The following DNAH11 variants were observed in gnomAD, a reference collection of about 807,000 sequenced individuals.
The protein encoded by DNAH11 is axonemal beta dynein heavy chain 11.
Under a neutral mutation model 526.0 loss-of-function variants are expected in DNAH11, and 442 were observed. The observed-to-expected ratio is 0.84, with a 90% CI of 0.78 to 0.91. The LOEUF (loss-of-function observed/expected upper bound fraction) is 0.91. Ranked by LOEUF, DNAH11 falls within the 40% of genes least tolerant of loss-of-function variation. DNAH11 has a pLI of 0.00. For synonymous variants in DNAH11, 2,461 were observed against 1,935.9 expected (o/e 1.27, Z -7.12); for missense variants, 6,989 against 5,448.7 (o/e 1.28, Z -8.90).
At chr7:21,615,029 A>G (rs1421287782) in intron 20 of DNAH11, 85 bp from the exon 21 acceptor site, 22 of 1,365,680 alleles carry the variant, frequency 1.6e-5, no homozygotes, top group Non-Finnish European at 2.1e-5. Flanking sequence ...CAAAGATTGA[A>G]ATGTCGAGAT....
At chr7:21,736,347 A>G (rs1232512007) in intron 46 of DNAH11, among the ~76,000 whole-genome samples, 1 of 152,194 alleles carries the variant, frequency 6.6e-6, no homozygotes, top group Non-Finnish European at 1.5e-5. Flanking sequence ...GATTTGGGGC[A>G]TTCCCAGAGT....
At position 21,635,125 on chromosome 7, in the gene DNAH11, C is replaced by G. The variant is rs1403174610; in HGVS notation, c.4501-746C>G. Reference sequence around the variant, plus strand: ...GGAAAGTGGAAGCTGGAGGGCCTAGCAGGCTGGTGGGGGGCAGTTTGTTTG... The same window carrying G: ...GGAAAGTGGAAGCTGGAGGGCCTAGGAGGCTGGTGGGGGGCAGTTTGTTTG... On this transcript the variant is annotated intron_variant, in intron 25 of 81. Transcript: ENST00000409508. 2.6e-5 allele frequency among the ~76,000 whole-genome samples: 4 copies of G among 151,194 alleles called. No homozygotes were observed. In the Admixed American group the frequency reaches 2.6e-4, roughly 10 times the overall value.
chr7:21,614,045 G>A (rs1323418915), intron 20 of DNAH11, among the ~76,000 whole-genome samples: 1 of 151,762 alleles, frequency 6.6e-6, no homozygotes, highest in Non-Finnish European at 1.5e-5. Flanking sequence ...CCAAAGTGCT[G>A]GGATTACAAG....
intron 8 of DNAH11, among the ~76,000 whole-genome samples, chr7:21,575,855 A>G (rs1784072596): frequency 6.6e-6 from 1 of 152,212 alleles, no homozygotes; most frequent in African/African-American, 2.4e-5. Context: ...TTTGGCAGTC[A>G]TTCTGTGTCA....
chr7:21,704,712 TTAACTTGTACCC>T, intron 38 of DNAH11, 84 bp downstream of exon 38: 3 of 1,452,344 alleles, frequency 2.1e-6, no homozygotes, highest in Non-Finnish European at 2.8e-6. Context: ...AAGCAAGATG[TTAACTTGTACCC>T]TAACCTTAAT....
At chr7:21,771,501 CTG>C (rs1184380133) in intron 55 of DNAH11, among the ~76,000 whole-genome samples, 1 of 152,100 alleles carries the variant, frequency 6.6e-6, no homozygotes, top group East Asian at 1.9e-4. Context: ...AGTGAGCCAA[CTG>C]AGAGAGTAGA....
At chr7:21,850,879 C>G (rs1782606795) in intron 66 of DNAH11, among the ~76,000 whole-genome samples, 1 of 152,136 alleles carries the variant, frequency 6.6e-6, no homozygotes, top group Admixed American at 6.5e-5. Flanking sequence ...TTGCAAATCT[C>G]TCAGTTATAA....
At chr7:21,856,450 TGAG>T (rs928056095) in intron 68 of DNAH11, among the ~76,000 whole-genome samples, 21 of 152,174 alleles carry the variant, frequency 1.4e-4, no homozygotes, top group African/African-American at 4.8e-4. Context: ...TAACCATGTG[TGAG>T]GAGAAGAGTA....
At chr7:21,616,341 C>T in intron 22 of DNAH11, 49 bp downstream of exon 22, 1 of 1,433,442 alleles carries the variant, frequency 7.0e-7, no homozygotes, top group Non-Finnish European at 9.7e-7. Flanking sequence ...CTCAGCACCA[C>T]CTCCTTCCAT....
intron 57 of DNAH11, among the ~76,000 whole-genome samples, chr7:21,784,169 G>C (rs1788074562): frequency 6.6e-6 from 1 of 152,226 alleles, no homozygotes; most frequent in Non-Finnish European, 1.5e-5. Context: ...AATTGAGTTA[G>C]TCAAAGCTTT....
chr7:21,814,742 T>C (rs910512315), intron 63 of DNAH11, among the ~76,000 whole-genome samples: 9 of 152,140 alleles, frequency 5.9e-5, no homozygotes, highest in African/African-American at 1.9e-4. Flanking sequence ...CACTGTTGTA[T>C]ATGCAGTCCA....
At chr7:21,672,750 G>T (rs1297674795) in intron 30 of DNAH11, among the ~76,000 whole-genome samples, 1 of 152,092 alleles carries the variant, frequency 6.6e-6, no homozygotes, top group Non-Finnish European at 1.5e-5. Context: ...TAAACCTATA[G>T]TATTTAGGGA....
chr7:21,550,621 C>T (rs1203227469), intron 2 of DNAH11, among the ~76,000 whole-genome samples: 1 of 152,114 alleles, frequency 6.6e-6, no homozygotes, highest in Non-Finnish European at 1.5e-5. Flanking sequence ...TTCTACCTTT[C>T]CAGAGGAAGG....
In DNAH11 at chr7:21,543,595, A is replaced by G; in HGVS notation, c.350A>G (p.Glu117Gly). The G allele has an allele frequency of 6.3e-7, 1 of 1,588,816 alleles. No individual in the cohort carries two copies. The highest frequency in any genetic ancestry group is 8.6e-7 in the Non-Finnish European group (1 of 1,167,078). Reference sequence around the variant, plus strand: ...TCGGGGCGCCTTGCGGCTTCCCAGGAGGTAAGAGGCGACGGGCAAGGGGAC... The same window carrying G: ...TCGGGGCGCCTTGCGGCTTCCCAGGGGGTAAGAGGCGACGGGCAAGGGGAC... The part of the protein sequence containing the change: ...AASGRLAASQ[E>G]IPRDANHKLV... Residue 117 changes from glutamate (E) to glycine (G), a missense_variant and splice_region_variant, in exon 1 of 82, where the codon GAG (glutamate) becomes GGG (glycine). By Grantham distance (98) the Glu-to-Gly change is moderately conservative. Transcript: ENST00000409508.
At chr7:21,707,863 A>AT (rs756202217) in intron 40 of DNAH11, 28 bp downstream of exon 40, 2,667 of 1,452,210 alleles carry the variant, frequency 1.8e-3, no homozygotes, top group South Asian at 6.4e-3. Flanking sequence ...GAAGTGCTCA[A>AT]TTTTTTTTTT....
Position 21,589,281 on chromosome 7 carries a change from G to A in DNAH11, c.2047G>A (p.Glu683Lys). Residue 683 changes from glutamate (E) to lysine (K), a missense_variant, in exon 12 of 82, where the codon GAA (glutamate) becomes AAA (lysine). Coordinates refer to ENST00000409508, the MANE Select transcript of DNAH11 (RefSeq NM_001277115.2). ...AATGACCACTTTGCTTGATCAATTT[G>A]AAAGTCGTATCTATAATGAATGGAA... Reference protein sequence around the residue: ...VEMTTLLDQFESRIYNEWKSN... With the variant: ...VEMTTLLDQFKSRIYNEWKSN... The A allele has an allele frequency of 6.2e-7, 1 of 1,609,768 alleles. No individual in the cohort carries two copies. Among genetic ancestry groups the A allele is most frequent in the Non-Finnish European group, 8.5e-7 (1 of 1,178,582 alleles).
chr7:21,899,850 C>T, intron 80 of DNAH11, 130 bp from the exon 81 acceptor site: 2 of 1,127,854 alleles, frequency 1.8e-6, no homozygotes. Flanking sequence ...TGCTCCAGCG[C>T]AGCCATGTGC....
intron 35 of DNAH11, among the ~76,000 whole-genome samples, chr7:21,691,773 C>G (rs1783642487): frequency 6.6e-6 from 1 of 152,118 alleles, no homozygotes; most frequent in African/African-American, 2.4e-5. Context: ...AAAATAGTCC[C>G]TCTCATGCCT....
At chr7:21,851,849 T>C (rs1481324547) in intron 66 of DNAH11, among the ~76,000 whole-genome samples, 2 of 152,172 alleles carry the variant, frequency 1.3e-5, no homozygotes, top group African/African-American at 4.8e-5. Flanking sequence ...AGAACGGAAA[T>C]GAGACTTCTA....
Sources: allele counts gnomAD v4.1 joint callset (sites outside exome capture counted in the v4.1 genomes callset), GRCh38; gene constraint gnomAD v4.1.1; transcripts MANE v1.5; gene names NCBI Gene and HGNC (gene_info 2026-07-23, HGNC 2026-07-21).